Variants in LRFN5 observed in about 807,000 individuals in gnomAD.
LRFN5 encodes the protein leucine rich repeat and fibronectin type III domain containing 5.
A neutral mutation model predicts 45.6 loss-of-function variants in LRFN5; 24 were observed. The ratio of observed to expected loss-of-function variants is 0.53; its 90% CI spans 0.38 to 0.74. The LOEUF (loss-of-function observed/expected upper bound fraction) is 0.74, where lower values mean the gene tolerates loss of function less well. Among genes scored for constraint, LRFN5 ranks in the 30% least tolerant of loss-of-function variants. The pLI is 0.00. For missense variants in LRFN5, 776 were observed against 861.5 expected (o/e 0.90, Z 1.24); for synonymous variants, 340 against 313.8 (o/e 1.08, Z -0.88).
intron 4 of LRFN5, among the ~76,000 whole-genome samples, chr14:41,895,799 A>G (rs887598447): frequency 1.3e-5 from 2 of 151,222 alleles, no homozygotes; most frequent in Non-Finnish European, 2.9e-5. Context: ...TGCTTTGTAG[A>G]TATATTTTAC....
chr14:41,722,660 T>G (rs1883774458), intron 1 of LRFN5, among the ~76,000 whole-genome samples: 1 of 152,106 alleles, frequency 6.6e-6, no homozygotes, highest in African/African-American at 2.4e-5. Context: ...GCTTTGCCTC[T>G]ATAGCCCTAT....
intron 2 of LRFN5, among the ~76,000 whole-genome samples, chr14:41,843,486 T>A (rs969808862): frequency 6.6e-6 from 1 of 152,204 alleles, no homozygotes; most frequent in African/African-American, 2.4e-5. Flanking sequence ...CCTGTTCATA[T>A]CTTTGCCTAC....
At chr14:41,723,645 G>T (rs1883814616) in intron 1 of LRFN5, among the ~76,000 whole-genome samples, 1 of 152,064 alleles carries the variant, frequency 6.6e-6, no homozygotes, top group Non-Finnish European at 1.5e-5. Flanking sequence ...TCCCCAAGCT[G>T]ACTCTTGCTG....
At position 41,794,348 on chromosome 14, in the gene LRFN5, T is replaced by C. The variant is rs545106882; in HGVS notation, c.-21+27319T>C. ...ATGACATTTTATTCTTGTAAATTAT[T>C]CTTCCTTTTTTGATCTAATTTCTAC... On this transcript the variant is annotated intron_variant, in intron 2 of 5. Coordinates refer to ENST00000298119, the MANE Select transcript of LRFN5 (RefSeq NM_152447.5). Among the ~76,000 whole-genome samples the C allele has an allele frequency of 5.3e-5, 8 of 152,182 alleles. No individual in the cohort carries two copies. The South Asian group carries it at 1.5e-3, about 28-fold the overall frequency.
In LRFN5 at chr14:41,891,834, A is replaced by G. The variant is rs1890795976; in HGVS notation, c.1970A>G (p.Asn657Ser). The change falls in exon 4 of 6, where the codon AAT becomes AGT. Residue 657 changes from asparagine to serine, a missense_variant. Transcript: ENST00000298119. Reference protein sequence around the residue: ...TGTKPSTEPQNEAVTNVESQN... With the variant: ...TGTKPSTEPQSEAVTNVESQN... ...ACAAAGCCAAGTACAGAACCACAGA[A>G]TGAAGCCGTCACAAATGTTGAATCC... is the stretch of plus-strand genomic sequence containing the variant. The G allele has an allele frequency of 3.7e-6, 6 of 1,614,206 alleles. No homozygotes were observed. The highest frequency in any genetic ancestry group is 1.7e-5 in the Admixed American group (1 of 60,022).
At position 41,834,225 on chromosome 14, in the gene LRFN5, A is replaced by C. The variant is rs572069650; in HGVS notation, c.-20-52381A>C. Among the ~76,000 whole-genome samples the C allele has an allele frequency of 8.5e-5, 13 of 152,312 alleles. No individual in the cohort carries two copies. The East Asian group carries it at 2.3e-3, about 27-fold the overall frequency. On this transcript the variant is annotated intron_variant, in intron 2 of 5. Transcript: ENST00000298119. The stretch of plus-strand genomic sequence containing the variant: ...TATTTTTAGATCTCATTTTGGTCTC[A>C]ATCTGCATAATAATTAGCTGAAAAT...
intron 1 of LRFN5, among the ~76,000 whole-genome samples, chr14:41,728,395 T>C (rs1884024539): frequency 6.6e-6 from 1 of 152,160 alleles, no homozygotes. Flanking sequence ...ATAGATCATC[T>C]TAATGAGTCC....
At chr14:41,812,506 C>G (rs542313638) in intron 2 of LRFN5, among the ~76,000 whole-genome samples, 1 of 151,492 alleles carries the variant, frequency 6.6e-6, no homozygotes, top group African/African-American at 2.4e-5. Flanking sequence ...ACTTGGGCAA[C>G]GATGGACAAA....
chr14:41,850,172 A>G (rs1330504821), intron 2 of LRFN5, among the ~76,000 whole-genome samples: 2 of 151,982 alleles, frequency 1.3e-5, no homozygotes, highest in African/African-American at 4.8e-5. Context: ...CTTGGAGCTG[A>G]ACATGTATAG....
intron 1 of LRFN5, among the ~76,000 whole-genome samples, chr14:41,711,243 G>A (rs569001183): frequency 2.6e-5 from 4 of 152,252 alleles, no homozygotes; most frequent in Admixed American, 2.0e-4. Context: ...AATCGAATGA[G>A]TATTGACTAA....
intron 2 of LRFN5, among the ~76,000 whole-genome samples, chr14:41,874,144 A>C (rs980100916): frequency 6.6e-6 from 1 of 152,200 alleles, no homozygotes; most frequent in African/African-American, 2.4e-5. Context: ...AGGTAGCAGC[A>C]TGATGATTTC....
At chr14:41,819,741 G>T (rs1888046669) in intron 2 of LRFN5, among the ~76,000 whole-genome samples, 2 of 152,016 alleles carry the variant, frequency 1.3e-5, no homozygotes, top group South Asian at 4.1e-4. Context: ...TCACTAGAGT[G>T]CCAAGAACGA....
intron 1 of LRFN5, among the ~76,000 whole-genome samples, chr14:41,755,534 T>G (rs1221215018): frequency 1.3e-5 from 2 of 152,308 alleles, no homozygotes; most frequent in Non-Finnish European, 2.9e-5. Flanking sequence ...CTTCTTTGTC[T>G]CTTTTGATCT....
At chr14:41,762,753 A>C (rs973096909) in intron 1 of LRFN5, among the ~76,000 whole-genome samples, 10 of 152,220 alleles carry the variant, frequency 6.6e-5, no homozygotes, top group Admixed American at 2.0e-4. Flanking sequence ...ATATTATTAC[A>C]TAAGTATAAA....
intron 1 of LRFN5, among the ~76,000 whole-genome samples, chr14:41,755,338 T>A (rs1029662888): frequency 6.6e-6 from 1 of 152,198 alleles, no homozygotes. Context: ...TTCTGTCTCA[T>A]TGATCTGTCT....
chr14:41,717,972 T>C (rs982565876), intron 1 of LRFN5, among the ~76,000 whole-genome samples: 4 of 152,140 alleles, frequency 2.6e-5, no homozygotes, highest in Non-Finnish European at 5.9e-5. Flanking sequence ...TTCTCATTTT[T>C]TGTGTTGTTC....
At chr14:41,705,746 AG>A (rs1414822933) in intron 1 of LRFN5, among the ~76,000 whole-genome samples, 2 of 152,322 alleles carry the variant, frequency 1.3e-5, no homozygotes, top group East Asian at 1.9e-4. Flanking sequence ...TTTTATATAC[AG>A]GGTTTACACA....
chr14:41,710,469 A>T (rs776540479), intron 1 of LRFN5, among the ~76,000 whole-genome samples: 5 of 152,078 alleles, frequency 3.3e-5, no homozygotes, highest in Non-Finnish European at 5.9e-5. Context: ...CTGTTAATGT[A>T]GGTGTGTTTT....
intron 2 of LRFN5, among the ~76,000 whole-genome samples, chr14:41,847,137 TA>T (rs1889096687): frequency 1.3e-5 from 2 of 151,910 alleles, no homozygotes; most frequent in African/African-American, 4.8e-5. Context: ...CAAGAGTAAT[TA>T]TTTTTTTTTA....
Sources: allele counts gnomAD v4.1 joint callset (sites outside exome capture counted in the v4.1 genomes callset), GRCh38; gene constraint gnomAD v4.1.1; transcripts MANE v1.5; gene names NCBI Gene and HGNC (gene_info 2026-07-23, HGNC 2026-07-21).